DGKI: variants seen among roughly 807,000 people sequenced by gnomAD.
The protein encoded by DGKI is diacylglycerol kinase iota.
In DGKI, 55 loss-of-function variants were observed where a neutral mutation model predicts 147.5. The ratio of observed to expected loss-of-function variants is 0.37; its 90% CI spans 0.30 to 0.47. DGKI has a LOEUF of 0.47. Among genes scored for constraint, DGKI ranks in the 20% least tolerant of loss-of-function variants. DGKI has a pLI of 1.00. For synonymous variants in DGKI, 469 were observed against 477.1 expected (o/e 0.98, Z 0.22); for missense variants, 1,007 against 1,323.8 (o/e 0.76, Z 3.71).
intron 3 of DGKI, among the ~76,000 whole-genome samples, chr7:137,664,416 AAAAGG>A (rs1445388773): frequency 4.9e-4 from 74 of 151,938 alleles, no homozygotes; most frequent in Middle Eastern, 3.4e-3. Flanking sequence ...AGAAAGAAAA[AAAAGG>A]AAAGGAAAAA....
In DGKI at chr7:137,523,658, A is replaced by C. The variant is rs376252566; in HGVS notation, c.2148-1692T>G. Among the ~76,000 whole-genome samples, 27 of 152,298 alleles carry C rather than the reference A, an allele frequency of 1.8e-4. 1 individual carries two copies. The East Asian group carries it at 5.0e-3, about 28-fold the overall frequency. On this transcript the variant is annotated intron_variant, in intron 20 of 32. Transcript: ENST00000614521. ...CAACAGCTATACCGATCCATCACTCAAATTGTGTTTGTTGGGTATTTACTT... is the reference window on the plus strand; with the variant it reads ...CAACAGCTATACCGATCCATCACTCCAATTGTGTTTGTTGGGTATTTACTT...
At chr7:137,631,248 GAGA>G (rs1821112951) in intron 6 of DGKI, among the ~76,000 whole-genome samples, 3 of 152,204 alleles carry the variant, frequency 2.0e-5, no homozygotes, top group Admixed American at 2.0e-4. Flanking sequence ...CCAGACAACT[GAGA>G]AGGAGACTTT....
At position 137,841,181 on chromosome 7, in the gene DGKI, C is replaced by T. The variant is rs925830790; in HGVS notation, c.401+5281G>A. ...AAAGAACAGGGGAGCACCAGCCACC[C>T]ATCACCCCAAGTGGACGCTTTTGAG... On this transcript the variant is annotated intron_variant, in intron 1 of 32. Coordinates refer to ENST00000614521, the MANE Select transcript of DGKI (RefSeq NM_001321708.2). 3.9e-5 allele frequency among the ~76,000 whole-genome samples: 6 copies of T among 152,222 alleles called. 1 individual carries two copies. Among genetic ancestry groups the T allele is most frequent in the Non-Finnish European group, 5.9e-5 (4 of 68,034 alleles).
intron 10 of DGKI, among the ~76,000 whole-genome samples, chr7:137,604,016 G>A (rs982096700): frequency 3.3e-5 from 5 of 152,000 alleles, no homozygotes; most frequent in Admixed American, 2.6e-4. Flanking sequence ...TTTATGCATC[G>A]CTCTGGCTAC....
chr7:137,685,585 T>C (rs376844446), intron 2 of DGKI, among the ~76,000 whole-genome samples: 11 of 152,322 alleles, frequency 7.2e-5, no homozygotes, highest in African/African-American at 2.6e-4. Flanking sequence ...GAACTTGGAA[T>C]CCATCCCAGG....
intron 19 of DGKI, among the ~76,000 whole-genome samples, chr7:137,567,400 A>T (rs990412881): frequency 1.3e-5 from 2 of 152,232 alleles, no homozygotes; most frequent in African/African-American, 2.4e-5. Context: ...TCTTTTTTAG[A>T]AAAAGAAAAC....
intron 28 of DGKI, among the ~76,000 whole-genome samples, chr7:137,429,693 A>C (rs1429728047): frequency 4.0e-5 from 6 of 149,992 alleles, no homozygotes; most frequent in Non-Finnish European, 5.9e-5. Flanking sequence ...CAATGAACTC[A>C]AACAAATTTA....
Position 137,581,938 on chromosome 7 carries a change from TAAAC to T in DGKI, c.1564-14_1564-11del, listed in dbSNP as rs1297328842. 1.2e-6 allele frequency: 2 copies of T among 1,612,072 alleles called. No individual in the cohort carries two copies. The highest frequency in any genetic ancestry group is 1.7e-6 in the Non-Finnish European group (2 of 1,178,674). On this transcript the variant is annotated splice_polypyrimidine_tract_variant and intron_variant, in intron 14 of 32. Coordinates refer to ENST00000614521, the MANE Select transcript of DGKI (RefSeq NM_001321708.2). ...AAACATTCAGAGGGAGCTGCAATGA[TAAAC>T]AAAGACAGAGGCAAAATTTTGTGTG...
At chr7:137,623,627 G>A in intron 6 of DGKI, 73 bp from the exon 7 acceptor site, 1 of 1,338,520 alleles carries the variant, frequency 7.5e-7, no homozygotes, top group East Asian at 2.3e-5. Context: ...CTCCTGAAGT[G>A]CAATGACGTG....
At chr7:137,760,918 T>C (rs1425148580) in intron 1 of DGKI, among the ~76,000 whole-genome samples, 2 of 152,194 alleles carry the variant, frequency 1.3e-5, no homozygotes, top group African/African-American at 2.4e-5. Flanking sequence ...TAGGCTGTTC[T>C]GCACTCTGTT....
chr7:137,561,059 C>A (rs1818402263), intron 19 of DGKI, among the ~76,000 whole-genome samples: 1 of 152,028 alleles, frequency 6.6e-6, no homozygotes, highest in Non-Finnish European at 1.5e-5. Context: ...TATGATCCAG[C>A]AATTGCACTA....
intron 28 of DGKI, among the ~76,000 whole-genome samples, chr7:137,413,660 A>T (rs891420878): frequency 6.6e-6 from 1 of 152,194 alleles, no homozygotes; most frequent in Non-Finnish European, 1.5e-5. Context: ...TATATATACC[A>T]CATTTTCTTT....
chr7:137,754,037 TGAG>T (rs1795599661), intron 1 of DGKI, among the ~76,000 whole-genome samples: 1 of 151,496 alleles, frequency 6.6e-6, no homozygotes, highest in African/African-American at 2.4e-5. Flanking sequence ...ATGTTGTCAG[TGAG>T]GAGGAGCAAA....
intron 1 of DGKI, among the ~76,000 whole-genome samples, chr7:137,738,540 CA>C (rs1171856171): frequency 6.6e-6 from 1 of 151,990 alleles, no homozygotes; most frequent in Non-Finnish European, 1.5e-5. Flanking sequence ...GTGCTAAAAA[CA>C]AAAAGATGTG....
intron 1 of DGKI, among the ~76,000 whole-genome samples, chr7:137,739,723 T>C (rs1417897785): frequency 6.6e-6 from 1 of 152,154 alleles, no homozygotes; most frequent in Non-Finnish European, 1.5e-5. Flanking sequence ...ATGTGTACAC[T>C]AGATCCTCCC....
intron 3 of DGKI, among the ~76,000 whole-genome samples, chr7:137,659,707 C>T (rs1041121197): frequency 2.6e-5 from 4 of 152,054 alleles, no homozygotes; most frequent in South Asian, 2.1e-4. Flanking sequence ...CTGAGGCGGG[C>T]GGATCACAAG....
intron 17 of DGKI, 57 bp from the exon 18 acceptor site, chr7:137,572,895 T>C (rs1334165705): frequency 3.8e-6 from 5 of 1,320,540 alleles, no homozygotes; most frequent in East Asian, 4.6e-5. Flanking sequence ...TAAAAACCTA[T>C]GAAAGATAAC....
chr7:137,841,570 T>C (rs933435478), intron 1 of DGKI, among the ~76,000 whole-genome samples: 2 of 152,218 alleles, frequency 1.3e-5, no homozygotes, highest in Admixed American at 1.3e-4. Flanking sequence ...AGGATCAGTG[T>C]TACCAACACA....
chr7:137,823,867 C>G (rs940543119), intron 1 of DGKI, among the ~76,000 whole-genome samples: 3 of 152,018 alleles, frequency 2.0e-5, no homozygotes, highest in African/African-American at 7.3e-5. Context: ...ATGAGTAAGT[C>G]CATATGAGAA....
Sources: allele counts gnomAD v4.1 joint callset (sites outside exome capture counted in the v4.1 genomes callset), GRCh38; gene constraint gnomAD v4.1.1; transcripts MANE v1.5; gene names NCBI Gene and HGNC (gene_info 2026-07-23, HGNC 2026-07-21).